The following COMMD10 variants were observed in gnomAD, a reference collection of about 807,000 sequenced individuals.
The protein encoded by COMMD10 is COMM domain-containing protein 10.
In COMMD10, 33 loss-of-function variants were observed where a neutral mutation model predicts 28.9. That is an observed-to-expected ratio of 1.14 (90% CI 0.87 to 1.53). The LOEUF is 1.53. Ranked by LOEUF, COMMD10 falls within the 40% of genes most tolerant of loss-of-function variation. COMMD10 has a pLI of 0.00. For missense variants in COMMD10, 310 were observed against 233.4 expected, an observed-to-expected ratio of 1.33 and a Z score of -2.14; for synonymous variants, 110 against 81.7, an observed-to-expected ratio of 1.35 and a Z score of -1.87.
chr5:116,221,029 A>G (rs1749237443), intron 5 of COMMD10, among the ~76,000 whole-genome samples: 1 of 151,618 alleles, frequency 6.6e-6, no homozygotes, highest in South Asian at 2.1e-4. Context: ...TAACTGCTCC[A>G]TAGAAAACAA....
chr5:116,164,193 C>T lies in COMMD10; in HGVS notation c.510+30015C>T, dbSNP rs145807423. 2.0e-3 allele frequency among the ~76,000 whole-genome samples: 311 copies of T among 152,048 alleles called. 2 individuals carry two copies. Among genetic ancestry groups the T allele is most frequent in the African/African-American group, 7.0e-3 (289 of 41,482 alleles). ...AAAATTAGCTGGGTATGGTGGCGCA[C>T]GCCTATAATCCCAGCTACCCAGGAG... is the stretch of plus-strand genomic sequence containing the variant. On this transcript the variant is annotated intron_variant, in intron 5 of 6. Coordinates refer to ENST00000274458, the MANE Select transcript of COMMD10 (RefSeq NM_016144.4).
rs76750425 is a variant in COMMD10 at position 116,173,662 on chromosome 5, C to T, written c.510+39484C>T. Among the ~76,000 whole-genome samples the T allele has an allele frequency of 8.0e-3, 1,223 of 152,154 alleles. 21 individuals carry two copies. Among genetic ancestry groups the T allele is most frequent in the African/African-American group, 0.028 (1,147 of 41,514 alleles). On this transcript the variant is annotated intron_variant, in intron 5 of 6. Coordinates refer to ENST00000274458, the MANE Select transcript of COMMD10 (RefSeq NM_016144.4). ...CTGAAGTCATTCCAAAAGTTATGGT[C>T]TGTTCTATGTCTTCAGTAGAGAGTT... is the stretch of plus-strand genomic sequence containing the variant.
chr5:116,266,165 C>T (rs1361049189), intron 5 of COMMD10, among the ~76,000 whole-genome samples: 3 of 151,554 alleles, frequency 2.0e-5, no homozygotes, highest in Non-Finnish European at 4.4e-5. Flanking sequence ...AGAACAAAGG[C>T]ATTGTTTTCA....
At chr5:116,214,924 A>T (rs1749058681) in intron 5 of COMMD10, among the ~76,000 whole-genome samples, 2 of 152,204 alleles carry the variant, frequency 1.3e-5, no homozygotes, top group South Asian at 4.1e-4. Flanking sequence ...CTATACTTTC[A>T]TTCCCACTTA....
intron 5 of COMMD10, among the ~76,000 whole-genome samples, chr5:116,231,849 A>G (rs1260271204): frequency 6.6e-6 from 1 of 152,182 alleles, no homozygotes; most frequent in Non-Finnish European, 1.5e-5. Flanking sequence ...CAATCCAGAA[A>G]AAAAAACAAC....
intron 4 of COMMD10, among the ~76,000 whole-genome samples, chr5:116,119,260 C>T (rs532067451): frequency 7.9e-5 from 12 of 152,246 alleles, no homozygotes; most frequent in South Asian, 4.1e-4. Flanking sequence ...GAGACTAGGC[C>T]GACTTTTGTG....
In COMMD10 at chr5:116,136,844, G is replaced by A. The variant is rs190525450; in HGVS notation, c.510+2666G>A. Among the ~76,000 whole-genome samples, 655 of 152,182 alleles carry A rather than the reference G, an allele frequency of 4.3e-3. 2 individuals are homozygous for A. Among genetic ancestry groups the A allele is most frequent in the African/African-American group, 6.8e-3 (282 of 41,524 alleles). ...TTAACAAATATGCTGAGGAAGAAGA[G>A]GAGAAGCACACATACATAAAAGATA... is the stretch of plus-strand genomic sequence containing the variant. On this transcript the variant is annotated intron_variant, in intron 5 of 6. Transcript: ENST00000274458.
intron 4 of COMMD10, among the ~76,000 whole-genome samples, chr5:116,105,436 C>T (rs1210401569): frequency 3.3e-5 from 5 of 152,160 alleles, no homozygotes; most frequent in Non-Finnish European, 7.3e-5. Context: ...TGTTGTGTCT[C>T]TGCCAGGTTT....
At chr5:116,161,612 AGAGT>A (rs1752920244) in intron 5 of COMMD10, among the ~76,000 whole-genome samples, 1 of 152,190 alleles carries the variant, frequency 6.6e-6, no homozygotes, top group Non-Finnish European at 1.5e-5. Context: ...TTTTAGCAAT[AGAGT>A]AAGTTAGAGA....
chr5:116,093,831 T>C (rs59227860), intron 4 of COMMD10, among the ~76,000 whole-genome samples: 3,030 of 152,226 alleles, frequency 0.02, 92 homozygotes, highest in African/African-American at 0.062. Flanking sequence ...AGCAGACATA[T>C]ATACCAATGG....
intron 5 of COMMD10, among the ~76,000 whole-genome samples, chr5:116,146,222 A>G (rs1752344549): frequency 1.3e-5 from 2 of 151,816 alleles, no homozygotes; most frequent in Non-Finnish European, 2.9e-5. Context: ...TTTATTCTGT[A>G]TCCTAGGAGT....
chr5:116,181,315 T>G (rs1441255368), intron 5 of COMMD10, among the ~76,000 whole-genome samples: 9 of 147,018 alleles, frequency 6.1e-5, no homozygotes, highest in African/African-American at 2.4e-4. Context: ...AAATTTATGC[T>G]TTTGGGGTGT....
intron 5 of COMMD10, among the ~76,000 whole-genome samples, chr5:116,206,584 A>G (rs1324136201): frequency 3.3e-5 from 5 of 152,094 alleles, no homozygotes; most frequent in African/African-American, 4.8e-5. Flanking sequence ...TCCGGGAGGC[A>G]GAGATTGCAG....
At chr5:116,226,928 C>G (rs1749407403) in intron 5 of COMMD10, among the ~76,000 whole-genome samples, 1 of 151,992 alleles carries the variant, frequency 6.6e-6, no homozygotes, top group Non-Finnish European at 1.5e-5. Flanking sequence ...CACTCTTTTT[C>G]AGACGTTCTC....
intron 5 of COMMD10, among the ~76,000 whole-genome samples, chr5:116,176,219 C>A (rs1034570905): frequency 3.3e-5 from 5 of 152,176 alleles, no homozygotes; most frequent in African/African-American, 1.2e-4. Context: ...TCAAGCAATT[C>A]TCATGCCTCA....
chr5:116,233,084 A>T (rs1561678773), intron 5 of COMMD10, among the ~76,000 whole-genome samples: 1 of 152,250 alleles, frequency 6.6e-6, no homozygotes, highest in South Asian at 2.1e-4. Flanking sequence ...TGGGCCAGGC[A>T]CTATGCTAGG....
intron 5 of COMMD10, among the ~76,000 whole-genome samples, chr5:116,144,064 C>T (rs74661495): frequency 0.053 from 8,090 of 151,754 alleles, 299 homozygotes; most frequent in African/African-American, 0.11. Flanking sequence ...TATGGAGGTA[C>T]CTGAGATATC....
intron 5 of COMMD10, among the ~76,000 whole-genome samples, chr5:116,229,961 C>CCA (rs1749487336): frequency 1.4e-5 from 2 of 147,884 alleles, no homozygotes; most frequent in Admixed American, 1.3e-4. Context: ...CATACCTGAG[C>CCA]CCCCCCAAAA....
intron 5 of COMMD10, among the ~76,000 whole-genome samples, chr5:116,216,372 C>T (rs1749100132): frequency 6.6e-6 from 1 of 152,096 alleles, no homozygotes; most frequent in Admixed American, 6.5e-5. Flanking sequence ...TGTTCTTGTG[C>T]TTTCAGTAGA....
Sources: gnomAD v4.1 joint callset for allele counts (sites outside exome capture counted in the v4.1 genomes callset) on GRCh38, gnomAD v4.1.1 for gene constraint, MANE v1.5 for transcripts, NCBI Gene and HGNC (gene_info 2026-07-23, HGNC 2026-07-21) for gene names.